The following GIGYF2 variants were observed in gnomAD, a reference collection of about 807,000 sequenced individuals.
GIGYF2 encodes GRB10 interacting GYF protein 2.
A neutral mutation model predicts 208.1 loss-of-function variants in GIGYF2; 25 were observed. The observed-to-expected ratio is 0.12, with a 90% CI of 0.09 to 0.17. The LOEUF is 0.17. GIGYF2 is among the 10% of genes least tolerant of loss of function. GIGYF2 has a pLI of 1.00. For synonymous variants in GIGYF2, 534 were observed against 543.8 expected (o/e 0.98, Z 0.25); for missense variants, 1,302 against 1,579.4 (o/e 0.82, Z 2.98).
intron 15 of GIGYF2, among the ~76,000 whole-genome samples, chr2:232,808,968 G>A (rs1179197774): frequency 2.0e-5 from 3 of 151,618 alleles, no homozygotes; most frequent in Non-Finnish European, 1.5e-5. Flanking sequence ...TTTTTGAGAC[G>A]GAGTCTTGCT....
intron 15 of GIGYF2, among the ~76,000 whole-genome samples, chr2:232,808,951 A>G (rs185124045): frequency 0.013 from 1,989 of 152,154 alleles, 34 homozygotes; most frequent in African/African-American, 0.045. Context: ...ATACATATAT[A>G]TATATTTTTT....
intron 2 of GIGYF2, among the ~76,000 whole-genome samples, chr2:232,726,843 G>C (rs1697223962): frequency 6.6e-6 from 1 of 152,294 alleles, no homozygotes; most frequent in Non-Finnish European, 1.5e-5. Context: ...AAGCAACTGT[G>C]ATTTTACAAG....
chr2:232,850,402 T>C lies in GIGYF2; in HGVS notation c.3825T>C (p.Ser1275=). 3.7e-6 allele frequency: 6 copies of C among 1,614,076 alleles called. No individual in the cohort carries two copies. The highest frequency in any genetic ancestry group is 5.1e-6 in the Non-Finnish European group (6 of 1,179,910). ...AGAAGATGGTCCGAGCAGATCCCAG[T>C]TTATTAGGTGAGCACGGTCCTAGTC... ...KKQKMVRADP[S]LLGFSVNASS... Residue 1275 remains serine, a synonymous_variant, in exon 28 of 29, where the codon AGT becomes AGC. Transcript: ENST00000373563.
intron 28 of GIGYF2, 36 bp from the exon 29 acceptor site, chr2:232,856,757 G>C: frequency 1.4e-6 from 2 of 1,401,998 alleles, no homozygotes; most frequent in Non-Finnish European, 2.0e-6. Flanking sequence ...TTGGTTGCCT[G>C]GGTGTGGTCA....
rs547004627 is a variant in GIGYF2 at position 232,800,907 on chromosome 2, T to C, written c.1639+4686T>C. Among the ~76,000 whole-genome samples the C allele has an allele frequency of 9.9e-5, 15 of 151,172 alleles. No homozygotes were observed. In the South Asian group the frequency reaches 1.7e-3, roughly 17 times the overall value. On this transcript the variant is annotated intron_variant, in intron 14 of 28. Transcript: ENST00000373563. ...CTCTCGCTTTTTTTGAGACAGAGCC[T>C]TGCTCTGTCACGCAGTCTGCAGTGC...
In GIGYF2 at chr2:232,857,302, TA is replaced by T; in HGVS notation, c.*444del. On this transcript the variant is annotated 3_prime_UTR_variant, in exon 29 of 29. Transcript: ENST00000373563. ...TAACTGGTGCAATCATGAAGAGAGTTAATGGTTAACAGACATTGGCCAATAA... is the reference window on the plus strand; with the variant it reads ...TAACTGGTGCAATCATGAAGAGAGTTATGGTTAACAGACATTGGCCAATAA... The T allele has an allele frequency of 3.9e-6, 1 of 255,406 alleles. No homozygotes were observed. Among genetic ancestry groups the T allele is most frequent in the Non-Finnish European group, 7.7e-6 (1 of 129,502 alleles). The allele number at this position is 255,406 out of a possible 1,614,324, so 15.8% of individuals were successfully genotyped here. A position where few individuals can be genotyped will look rare whatever the true frequency, so the allele number is the denominator to read the frequency against.
At chr2:232,826,038 C>G (rs1186293350) in intron 21 of GIGYF2, among the ~76,000 whole-genome samples, 2 of 152,116 alleles carry the variant, frequency 1.3e-5, no homozygotes, top group Non-Finnish European at 2.9e-5. Context: ...ATGAACTCAT[C>G]CTTTTTTATG....
intron 8 of GIGYF2, among the ~76,000 whole-genome samples, chr2:232,769,070 C>T (rs1213125709): frequency 6.6e-6 from 1 of 152,066 alleles, no homozygotes; most frequent in African/African-American, 2.4e-5. Context: ...AAAACTTCAT[C>T]CTCTAGTTTC....
At chr2:232,792,286 C>T (rs925395913) in intron 12 of GIGYF2, among the ~76,000 whole-genome samples, 17 of 149,830 alleles carry the variant, frequency 1.1e-4, no homozygotes, top group African/African-American at 3.6e-4. Context: ...GTGTCTTCTT[C>T]GTTTCTTAAA....
chr2:232,703,103 A>T lies in GIGYF2; in HGVS notation c.-109-321A>T, dbSNP rs1695929183. On this transcript the variant is annotated intron_variant, in intron 1 of 28. Transcript: ENST00000373563. ...GCCTGGCAGTAGGTTTTAAAAGTTA[A>T]TACCAAGTCCCTATAATGGGGTTTT... Among the ~76,000 whole-genome samples, 4 of 152,212 alleles carry T rather than the reference A, an allele frequency of 2.6e-5. No individual in the cohort carries two copies. The South Asian group carries it at 8.3e-4, about 31-fold the overall frequency.
intron 26 of GIGYF2, 118 bp from the exon 27 acceptor site, chr2:232,847,230 G>T: frequency 2.0e-6 from 2 of 984,734 alleles, no homozygotes. Context: ...TACTTACCAA[G>T]TGTCTGTCAT....
chr2:232,817,461 T>C (rs1048646940), intron 20 of GIGYF2, among the ~76,000 whole-genome samples: 20 of 152,236 alleles, frequency 1.3e-4, no homozygotes, highest in African/African-American at 4.3e-4. Flanking sequence ...TTCATATTGC[T>C]GTGCAACCCT....
chr2:232,749,158 T>C, intron 5 of GIGYF2, 76 bp downstream of exon 5: 1 of 808,540 alleles, frequency 1.2e-6, no homozygotes, highest in Non-Finnish European at 2.2e-6. Context: ...AGTTACTATT[T>C]ATGCTCTAAG....
At chr2:232,853,643 C>G (rs1206913894) in intron 28 of GIGYF2, among the ~76,000 whole-genome samples, 1 of 152,206 alleles carries the variant, frequency 6.6e-6, no homozygotes, top group African/African-American at 2.4e-5. Context: ...ATGTGATAAA[C>G]ACACAATACA....
At chr2:232,855,524 G>A (rs1156241710) in intron 28 of GIGYF2, among the ~76,000 whole-genome samples, 15 of 152,216 alleles carry the variant, frequency 9.9e-5, no homozygotes, top group African/African-American at 3.4e-4. Flanking sequence ...TCGAGTTAGA[G>A]TACTTTAATC....
intron 9 of GIGYF2, among the ~76,000 whole-genome samples, chr2:232,788,850 A>G (rs758419833): frequency 6.6e-6 from 1 of 151,916 alleles, no homozygotes; most frequent in Non-Finnish European, 1.5e-5. Context: ...GCTGAAATCC[A>G]TATATTTTTA....
chr2:232,789,220 C>T (rs1003955553), intron 9 of GIGYF2, among the ~76,000 whole-genome samples: 3 of 151,996 alleles, frequency 2.0e-5, no homozygotes, highest in South Asian at 2.1e-4. Flanking sequence ...GATAAGATAA[C>T]ATTATGGGAT....
chr2:232,840,557 A>G (rs533187084), intron 23 of GIGYF2, among the ~76,000 whole-genome samples: 1 of 151,428 alleles, frequency 6.6e-6, no homozygotes, highest in South Asian at 2.1e-4. Context: ...CATTCATTCA[A>G]CACATGTTTA....
intron 8 of GIGYF2, among the ~76,000 whole-genome samples, chr2:232,773,604 C>G (rs552008515): frequency 6.6e-6 from 1 of 152,204 alleles, no homozygotes; most frequent in Non-Finnish European, 1.5e-5. Flanking sequence ...GCCCCTGAAA[C>G]TGTCTCAAGT....
Sources: gnomAD v4.1 joint callset for allele counts (sites outside exome capture counted in the v4.1 genomes callset) on GRCh38, gnomAD v4.1.1 for gene constraint, MANE v1.5 for transcripts, NCBI Gene and HGNC (gene_info 2026-07-23, HGNC 2026-07-21) for gene names.